The following PRKCA variants were observed in gnomAD, a reference collection of about 807,000 sequenced individuals.
The protein encoded by PRKCA is protein kinase C alpha.
In PRKCA, 27 loss-of-function variants were observed where a neutral mutation model predicts 87.0. That is an observed-to-expected ratio of 0.31 (90% CI 0.23 to 0.43). The LOEUF (loss-of-function observed/expected upper bound fraction) is 0.43, where lower values mean the gene tolerates loss of function less well. Among genes scored for constraint, PRKCA ranks in the 20% least tolerant of loss-of-function variants. The probability of loss-of-function intolerance (pLI) is 1.00; values close to 1 mark genes in which losing one functional copy is unlikely to be tolerated. For missense variants in PRKCA, 518 were observed against 852.3 expected (o/e 0.61, Z 4.88); for synonymous variants, 329 against 311.1 (o/e 1.06, Z -0.61).
chr17:66,415,830 T>C lies in PRKCA; in HGVS notation c.206-80371T>C, dbSNP rs184454730. 5.3e-5 allele frequency: 8 copies of C among 152,260 alleles called. No individual in the cohort carries two copies. In the East Asian group the frequency reaches 1.4e-3, roughly 26 times the overall value. The allele number at this position is 152,260 out of a possible 1,614,324, so 9.4% of individuals were successfully genotyped here. The stretch of plus-strand genomic sequence containing the variant: ...ACAGTGCCTGCTCAAACTTGTTGGG[T>C]GGACTGAATGAATCCGTCCATATAA... On this transcript the variant is annotated intron_variant, in intron 2 of 16. Coordinates refer to ENST00000413366, the MANE Select transcript of PRKCA (RefSeq NM_002737.3).
chr17:66,313,408 A>G (rs1042938478), intron 2 of PRKCA, among the ~76,000 whole-genome samples: 3 of 152,232 alleles, frequency 2.0e-5, no homozygotes, highest in Non-Finnish European at 2.9e-5. Context: ...ACCTTTATGT[A>G]TATAATAAGT....
chr17:66,462,337 C>T (rs1914890393), intron 2 of PRKCA, among the ~76,000 whole-genome samples: 1 of 152,130 alleles, frequency 6.6e-6, no homozygotes, highest in Non-Finnish European at 1.5e-5. Flanking sequence ...CAGACAGCAG[C>T]CAGTGGGCCC....
At chr17:66,777,139 C>G (rs1208251140) in intron 14 of PRKCA, 2 of 832,230 alleles carry the variant, frequency 2.4e-6, no homozygotes, top group Non-Finnish European at 1.4e-6. Flanking sequence ...GCCTGACATT[C>G]CTGGTGGGTA....
intron 3 of PRKCA, among the ~76,000 whole-genome samples, chr17:66,627,846 C>T (rs980616525): frequency 6.6e-6 from 1 of 152,148 alleles, no homozygotes; most frequent in Non-Finnish European, 1.5e-5. Flanking sequence ...TTCCCAATTC[C>T]TGGTTTTAGA....
At chr17:66,648,790 T>G (rs1971514873) in intron 5 of PRKCA, among the ~76,000 whole-genome samples, 1 of 151,918 alleles carries the variant, frequency 6.6e-6, no homozygotes, top group African/African-American at 2.4e-5. Context: ...CCTGATAAAT[T>G]TATGAAAAAT....
intron 2 of PRKCA, among the ~76,000 whole-genome samples, chr17:66,335,538 A>G (rs552331080): frequency 1.3e-5 from 2 of 151,776 alleles, no homozygotes; most frequent in African/African-American, 4.8e-5. Flanking sequence ...ATGCTGTAGA[A>G]CTGAGTACAC....
At chr17:66,613,154 T>C (rs756424775) in intron 3 of PRKCA, among the ~76,000 whole-genome samples, 24 of 152,198 alleles carry the variant, frequency 1.6e-4, no homozygotes, top group Non-Finnish European at 2.4e-4. Context: ...CTCACCTCAA[T>C]AAACCACTAC....
At chr17:66,756,497 C>T (rs1306433203) in intron 13 of PRKCA, among the ~76,000 whole-genome samples, 2 of 152,038 alleles carry the variant, frequency 1.3e-5, no homozygotes, top group African/African-American at 4.8e-5. Flanking sequence ...ACTACAGTTC[C>T]TTTCACCCAG....
At chr17:66,616,106 C>G (rs1276827610) in intron 3 of PRKCA, among the ~76,000 whole-genome samples, 1 of 152,176 alleles carries the variant, frequency 6.6e-6, no homozygotes, top group Non-Finnish European at 1.5e-5. Flanking sequence ...TCATTGATGC[C>G]CCTTCCTAAG....
intron 3 of PRKCA, among the ~76,000 whole-genome samples, chr17:66,636,327 C>T (rs1211092289): frequency 6.6e-6 from 1 of 152,210 alleles, no homozygotes; most frequent in African/African-American, 2.4e-5. Context: ...TCCTGCATCC[C>T]ATTGCTGCAG....
At chr17:66,561,708 GAT>G (rs897590895) in intron 3 of PRKCA, among the ~76,000 whole-genome samples, 2 of 152,266 alleles carry the variant, frequency 1.3e-5, no homozygotes, top group Admixed American at 1.3e-4. Context: ...AACTACATAT[GAT>G]AGAGTGTTGT....
Position 66,496,184 on chromosome 17 carries a change from T to G in PRKCA, c.206-17T>G. 6.2e-7 allele frequency: 1 copy of G among 1,600,100 alleles called. No individual in the cohort carries two copies. The highest frequency in any genetic ancestry group is 8.6e-7 in the Non-Finnish European group (1 of 1,168,342). On this transcript the variant is annotated splice_polypyrimidine_tract_variant and intron_variant, in intron 2 of 16. Coordinates refer to ENST00000413366, the MANE Select transcript of PRKCA (RefSeq NM_002737.3). ...AATCATGTCTATTCTAATTTTAGTTTCCTTTTTCTCTACCAGTTTGCTGTT... is the reference window on the plus strand; with the variant it reads ...AATCATGTCTATTCTAATTTTAGTTGCCTTTTTCTCTACCAGTTTGCTGTT...
rs1207523285 is a variant in PRKCA, at chr17:66,392,057, C to T, written c.205+85930C>T. On this transcript the variant is annotated intron_variant, in intron 2 of 16. Coordinates refer to ENST00000413366, the MANE Select transcript of PRKCA (RefSeq NM_002737.3). ...CATCCTGGCTGACACGGTGAAACCCCGTGTCTACTAAAAATACAAAAAATT... is the reference window on the plus strand; with the variant it reads ...CATCCTGGCTGACACGGTGAAACCCTGTGTCTACTAAAAATACAAAAAATT... Among the ~76,000 whole-genome samples, 5 of 152,110 alleles carry T rather than the reference C, an allele frequency of 3.3e-5. No individual in the cohort carries two copies. In the South Asian group the frequency reaches 8.3e-4, roughly 25 times the overall value.
At chr17:66,398,999 G>A (rs1405267771) in intron 2 of PRKCA, among the ~76,000 whole-genome samples, 2 of 151,986 alleles carry the variant, frequency 1.3e-5, no homozygotes, top group Non-Finnish European at 2.9e-5. Flanking sequence ...CCAATTTAGA[G>A]AAGAAATATA....
At chr17:66,397,914 G>A (rs908906602) in intron 2 of PRKCA, among the ~76,000 whole-genome samples, 3 of 152,078 alleles carry the variant, frequency 2.0e-5, no homozygotes, top group Non-Finnish European at 2.9e-5. Flanking sequence ...CTGTGACATC[G>A]TCTAAACTCC....
At chr17:66,627,708 A>G (rs969905850) in intron 3 of PRKCA, among the ~76,000 whole-genome samples, 1 of 152,198 alleles carries the variant, frequency 6.6e-6, no homozygotes, top group Non-Finnish European at 1.5e-5. Context: ...GCAGTCTAGA[A>G]CTACGTGTGA....
intron 4 of PRKCA, among the ~76,000 whole-genome samples, chr17:66,642,365 G>A (rs928790344): frequency 6.6e-6 from 1 of 151,990 alleles, no homozygotes; most frequent in South Asian, 2.1e-4. Flanking sequence ...TCCTGACCTC[G>A]TGATCCGCCC....
chr17:66,725,069 T>C (rs952550916), intron 8 of PRKCA, among the ~76,000 whole-genome samples: 6 of 152,204 alleles, frequency 3.9e-5, no homozygotes, highest in African/African-American at 1.4e-4. Context: ...GGTTTCAGCT[T>C]GCTGGCCTGG....
intron 2 of PRKCA, among the ~76,000 whole-genome samples, chr17:66,368,077 G>A (rs1290364753): frequency 6.6e-6 from 1 of 152,028 alleles, no homozygotes; most frequent in Non-Finnish European, 1.5e-5. Flanking sequence ...AACTCCAACC[G>A]TGGGATCCCA....
Sources: allele counts gnomAD v4.1 joint callset (sites outside exome capture counted in the v4.1 genomes callset), GRCh38; gene constraint gnomAD v4.1.1; transcripts MANE v1.5; gene names NCBI Gene and HGNC (gene_info 2026-07-23, HGNC 2026-07-21).